Variants in KLF12 observed in about 807,000 individuals in gnomAD.
The protein encoded by KLF12 is KLF transcription factor 12, also known as Krueppel-like factor 12.
In KLF12, 9 loss-of-function variants were observed where a neutral mutation model predicts 37.8. That is an observed-to-expected ratio of 0.24 (90% CI 0.14 to 0.42). The LOEUF is 0.42. Among genes scored for constraint, KLF12 ranks in the 10% least tolerant of loss-of-function variants. KLF12 has a pLI of 1.00. For missense variants in KLF12, 411 were observed against 516.0 expected, an observed-to-expected ratio of 0.80 and a Z score of 1.97; for synonymous variants, 208 against 202.1, an observed-to-expected ratio of 1.03 and a Z score of -0.25.
intron 6 of KLF12, among the ~76,000 whole-genome samples, chr13:73,718,289 A>G (rs1403935113): frequency 1.3e-5 from 2 of 152,224 alleles, no homozygotes; most frequent in East Asian, 1.9e-4. Flanking sequence ...TTAGGGACCA[A>G]TGAAGTAATC....
chr13:73,891,526 C>A (rs1378469425), intron 3 of KLF12, among the ~76,000 whole-genome samples: 1 of 152,076 alleles, frequency 6.6e-6, no homozygotes, highest in Non-Finnish European at 1.5e-5. Context: ...TCCAGAAATA[C>A]AGTTTTCAAG....
intron 3 of KLF12, among the ~76,000 whole-genome samples, chr13:73,891,768 G>A (rs1236477782): frequency 6.6e-6 from 1 of 151,988 alleles, no homozygotes; most frequent in Non-Finnish European, 1.5e-5. Context: ...AACAGAAATT[G>A]GTAAACTACA....
intron 3 of KLF12, among the ~76,000 whole-genome samples, chr13:73,936,695 C>A (rs973120659): frequency 6.6e-6 from 1 of 152,140 alleles, no homozygotes; most frequent in African/African-American, 2.4e-5. Context: ...CTTTGCCGCC[C>A]GGAAGTTACC....
intron 1 of KLF12, among the ~76,000 whole-genome samples, chr13:74,121,787 C>G (rs753462221): frequency 6.6e-6 from 1 of 151,686 alleles, no homozygotes; most frequent in Admixed American, 6.6e-5. Flanking sequence ...ATTAGAATAC[C>G]TAAGAAAATT....
chr13:74,158,528 C>T, the KLF12 span, among the ~76,000 whole-genome samples: 1 of 152,058 alleles, frequency 6.6e-6, no homozygotes, highest in African/African-American at 2.4e-5. Context: ...GATTAGGAAG[C>T]AGTTGGCCGG....
At chr13:74,198,950 A>G in the KLF12 span, among the ~76,000 whole-genome samples, 1 of 152,174 alleles carries the variant, frequency 6.6e-6, no homozygotes, top group African/African-American at 2.4e-5. Context: ...TCCCGCTGCT[A>G]AAGGGCAGGT....
chr13:74,038,396 C>T (rs548518495), intron 1 of KLF12, among the ~76,000 whole-genome samples: 1 of 152,300 alleles, frequency 6.6e-6, no homozygotes, highest in South Asian at 2.1e-4. Flanking sequence ...GCTCTACATG[C>T]TGGGGCTACA....
At chr13:74,124,634 T>C (rs1877835311) in intron 1 of KLF12, among the ~76,000 whole-genome samples, 1 of 152,162 alleles carries the variant, frequency 6.6e-6, no homozygotes, top group Non-Finnish European at 1.5e-5. Context: ...AAACCATCTG[T>C]AAACTCATTA....
At chr13:73,768,065 T>G (rs1880033473) in intron 5 of KLF12, among the ~76,000 whole-genome samples, 2 of 152,076 alleles carry the variant, frequency 1.3e-5, no homozygotes, top group African/African-American at 4.8e-5. Flanking sequence ...CAAATGGAAT[T>G]AGGATGAAGT....
intron 1 of KLF12, among the ~76,000 whole-genome samples, chr13:74,119,744 G>C (rs1593916040): frequency 6.6e-6 from 1 of 152,122 alleles, no homozygotes; most frequent in East Asian, 1.9e-4. Context: ...TGTCAACATA[G>C]TCCAAAGGGA....
intron 6 of KLF12, among the ~76,000 whole-genome samples, chr13:73,757,405 T>C (rs1378322698): frequency 6.6e-6 from 1 of 152,226 alleles, no homozygotes; most frequent in African/African-American, 2.4e-5. Flanking sequence ...GGTCTTACCT[T>C]AGGCAAATCT....
chr13:74,151,976 G>A, the KLF12 span, among the ~76,000 whole-genome samples: 3 of 152,210 alleles, frequency 2.0e-5, no homozygotes, highest in Non-Finnish European at 2.9e-5. Flanking sequence ...CTAAAGAGTA[G>A]CAGCACTCCT....
chr13:73,894,522 G>A (rs1041980347), intron 3 of KLF12, among the ~76,000 whole-genome samples: 2 of 152,118 alleles, frequency 1.3e-5, no homozygotes, highest in Non-Finnish European at 2.9e-5. Flanking sequence ...GTTACTGATG[G>A]AGCATAGATA....
chr13:73,902,973 C>T (rs904584867), intron 3 of KLF12, among the ~76,000 whole-genome samples: 1 of 152,188 alleles, frequency 6.6e-6, no homozygotes. Flanking sequence ...GTATATTCTC[C>T]ATTAGTTTAT....
intron 2 of KLF12, among the ~76,000 whole-genome samples, chr13:73,974,506 T>A (rs1891451931): frequency 6.6e-6 from 1 of 152,124 alleles, no homozygotes; most frequent in Admixed American, 6.5e-5. Context: ...TAAAAGAAAA[T>A]ATATTTAAAG....
At chr13:74,233,965 C>T in the KLF12 span, among the ~76,000 whole-genome samples, 1 of 152,084 alleles carries the variant, frequency 6.6e-6, no homozygotes, top group Non-Finnish European at 1.5e-5. Context: ...TATAAATCTA[C>T]CAAAATATCT....
chr13:74,198,147 G>C, the KLF12 span, among the ~76,000 whole-genome samples: 2 of 152,084 alleles, frequency 1.3e-5, no homozygotes, highest in Non-Finnish European at 2.9e-5. Flanking sequence ...CAAGTAGAGA[G>C]AAAGCAAGAG....
chr13:74,058,098 C>T (rs1353760281), intron 1 of KLF12, among the ~76,000 whole-genome samples: 1 of 151,462 alleles, frequency 6.6e-6, no homozygotes, highest in Non-Finnish European at 1.5e-5. Flanking sequence ...TCCCGGGTAG[C>T]TGGGAGTACA....
intron 5 of KLF12, among the ~76,000 whole-genome samples, chr13:73,804,607 A>G (rs1213150754): frequency 6.6e-6 from 1 of 152,146 alleles, no homozygotes; most frequent in East Asian, 1.9e-4. Context: ...ATGGCAAAGC[A>G]TATACTTTAG....
Sources: gnomAD v4.1 joint callset for allele counts (sites outside exome capture counted in the v4.1 genomes callset) on GRCh38, gnomAD v4.1.1 for gene constraint, MANE v1.5 for transcripts, NCBI Gene and HGNC (gene_info 2026-07-23, HGNC 2026-07-21) for gene names.